Variants in BMPR1A observed in about 807,000 individuals in gnomAD.
The protein encoded by BMPR1A is bone morphogenetic protein receptor type 1A.
A neutral mutation model predicts 66.0 loss-of-function variants in BMPR1A; 7 were observed. The ratio of observed to expected loss-of-function variants is 0.11; its 90% confidence interval spans 0.06 to 0.20. The LOEUF is 0.20. Among genes scored for constraint, BMPR1A ranks in the 10% least tolerant of loss-of-function variants. The pLI is 1.00. For missense variants in BMPR1A, 408 were observed against 669.1 expected (o/e 0.61, Z 4.31); for synonymous variants, 200 against 229.7 (o/e 0.87, Z 1.17).
intron 1 of BMPR1A, among the ~76,000 whole-genome samples, chr10:86,777,785 A>G (rs527322060): frequency 4.4e-4 from 67 of 152,170 alleles, no homozygotes; most frequent in African/African-American, 1.6e-3. Flanking sequence ...AGGCTGAGGC[A>G]GGTGGATCAC....
intron 1 of BMPR1A, among the ~76,000 whole-genome samples, chr10:86,782,588 C>T (rs940697478): frequency 1.6e-4 from 25 of 151,748 alleles, no homozygotes; most frequent in African/African-American, 5.6e-4. Flanking sequence ...TGAGTTTTGC[C>T]GATGATTAGT....
intron 1 of BMPR1A, among the ~76,000 whole-genome samples, chr10:86,764,636 A>G (rs1841134745): frequency 2.6e-5 from 4 of 152,196 alleles, no homozygotes; most frequent in African/African-American, 9.7e-5. Flanking sequence ...TGCTCTGGCC[A>G]AGTCAGCCTT....
intron 2 of BMPR1A, among the ~76,000 whole-genome samples, chr10:86,842,140 C>T (rs1842432605): frequency 1.3e-5 from 2 of 152,158 alleles, no homozygotes; most frequent in Admixed American, 1.3e-4. Flanking sequence ...AAGTGGGGGC[C>T]GTCTTGAGGA....
chr10:86,827,283 T>TC (rs1842209557), intron 1 of BMPR1A, among the ~76,000 whole-genome samples: 1 of 152,186 alleles, frequency 6.6e-6, no homozygotes, highest in Non-Finnish European at 1.5e-5. Context: ...CTGTATATAT[T>TC]CTTCTTGGGC....
chr10:86,811,098 G>T (rs1770685831), intron 1 of BMPR1A, among the ~76,000 whole-genome samples: 1 of 152,184 alleles, frequency 6.6e-6, no homozygotes, highest in African/African-American at 2.4e-5. Context: ...GAGTGCCGTA[G>T]TGCCATCTTG....
chr10:86,838,672 C>G (rs1456284412), intron 1 of BMPR1A, among the ~76,000 whole-genome samples, 193 bp from the exon 2 acceptor site: 4 of 149,450 alleles, frequency 2.7e-5, no homozygotes, highest in African/African-American at 9.9e-5. Context: ...ACTAACTTTA[C>G]AAATGTAAAG....
In BMPR1A at chr10:86,921,598, A is replaced by C. The variant is rs786204235; in HGVS notation, c.1245A>C (p.Glu415Asp). The C allele has an allele frequency of 6.2e-7, 1 of 1,614,156 alleles. No homozygotes were observed. The highest frequency in any genetic ancestry group is 1.6e-4 in the Middle Eastern group (1 of 6,062). The change falls in exon 11 of 13, where the codon GAA becomes GAC. Residue 415 changes from glutamate (E) to aspartate (D), a missense_variant. Around this residue, in one of 5 missense-constraint regions of BMPR1A, gnomAD observed 130 missense variants for 257.3 expected, o/e 0.51. Transcript: ENST00000372037. ...KRYMAPEVLD[E>D]SLNKNHFQPY... ...ACATGGCTCCCGAAGTGCTGGACGA[A>C]AGCCTGAACAAAAACCACTTCCAGC... is the stretch of plus-strand genomic sequence containing the variant.
At chr10:86,785,080 CTTT>C (rs1229174567) in intron 1 of BMPR1A, among the ~76,000 whole-genome samples, 1 of 152,204 alleles carries the variant, frequency 6.6e-6, no homozygotes, top group African/African-American at 2.4e-5. Flanking sequence ...GTGATTTCTT[CTTT>C]GAGTCATTAG....
intron 1 of BMPR1A, among the ~76,000 whole-genome samples, chr10:86,790,371 A>G (rs2132776957): frequency 6.6e-6 from 1 of 151,612 alleles, no homozygotes; most frequent in East Asian, 1.9e-4. Flanking sequence ...AAAATCGTGC[A>G]GCTGGTCTGG....
At chr10:86,885,584 A>G (rs1188747796) in intron 3 of BMPR1A, among the ~76,000 whole-genome samples, 1 of 152,226 alleles carries the variant, frequency 6.6e-6, no homozygotes, top group Non-Finnish European at 1.5e-5. Context: ...ATGGGACAGC[A>G]CAGTTGTAGA....
intron 2 of BMPR1A, among the ~76,000 whole-genome samples, chr10:86,860,225 C>G (rs1173970919): frequency 1.3e-5 from 2 of 151,764 alleles, no homozygotes; most frequent in Non-Finnish European, 2.9e-5. Flanking sequence ...CACTAGATAA[C>G]AATGAAAATG....
chr10:86,848,041 C>T (rs529395046), intron 2 of BMPR1A, among the ~76,000 whole-genome samples: 25 of 152,050 alleles, frequency 1.6e-4, no homozygotes, highest in African/African-American at 6.0e-4. Flanking sequence ...AAGCAATTCT[C>T]CTGCCTCAGC....
intron 8 of BMPR1A, among the ~76,000 whole-genome samples, chr10:86,916,331 C>T (rs1313678680): frequency 6.6e-6 from 1 of 152,202 alleles, no homozygotes; most frequent in East Asian, 1.9e-4. Context: ...CATTATTTCT[C>T]ATTCTGTGAG....
chr10:86,912,883 A>G (rs1843511511), intron 8 of BMPR1A, among the ~76,000 whole-genome samples: 1 of 152,198 alleles, frequency 6.6e-6, no homozygotes, highest in South Asian at 2.1e-4. Flanking sequence ...ATAGTTCAAT[A>G]AAAAATAATT....
chr10:86,889,411 T>C (rs1208598831), intron 3 of BMPR1A, among the ~76,000 whole-genome samples: 1 of 152,190 alleles, frequency 6.6e-6, no homozygotes, highest in Non-Finnish European at 1.5e-5. Context: ...TAACTCCTTT[T>C]CCACATAGAG....
At chr10:86,796,686 TC>T (rs1324442513) in intron 1 of BMPR1A, among the ~76,000 whole-genome samples, 2 of 151,796 alleles carry the variant, frequency 1.3e-5, no homozygotes, top group African/African-American at 2.4e-5. Flanking sequence ...TAGCAGTGCT[TC>T]CACCTCAGCC....
chr10:86,756,523 C>CG (rs1027976415), upstream of BMPR1A: 3 of 149,480 alleles, frequency 2.0e-5, no homozygotes, highest in Non-Finnish European at 3.0e-5. Flanking sequence ...GCGGCGCGGG[C>CG]GGGGGCCTTC....
chr10:86,924,094 G>C lies in BMPR1A; in HGVS notation c.*375G>C. On this transcript the variant is annotated 3_prime_UTR_variant, in exon 13 of 13. Transcript: ENST00000372037. ...AGCCTTAAGAAGATAAATGAGCGCAGCAGAGATGGAGAAATAGACTTTGCC... is the reference window on the plus strand; with the variant it reads ...AGCCTTAAGAAGATAAATGAGCGCACCAGAGATGGAGAAATAGACTTTGCC... 1 of 382,522 alleles carries C rather than the reference G, an allele frequency of 2.6e-6. No individual in the cohort carries two copies. Among genetic ancestry groups the C allele is most frequent in the Non-Finnish European group, 4.8e-6 (1 of 206,268 alleles). 23.7% of individuals were successfully genotyped at this position (382,522 alleles called of 1,614,324 possible).
chr10:86,881,866 T>A (rs925220598), intron 3 of BMPR1A, among the ~76,000 whole-genome samples: 1 of 152,248 alleles, frequency 6.6e-6, no homozygotes, highest in African/African-American at 2.4e-5. Flanking sequence ...ATATTTATGA[T>A]ACAATTGGAA....
Sources: gnomAD v4.1 joint callset for allele counts (sites outside exome capture counted in the v4.1 genomes callset) on GRCh38, gnomAD v4.1.1 for gene constraint, gnomAD v4.1.1 regional missense constraint, MANE v1.5 for transcripts, NCBI Gene and HGNC (gene_info 2026-07-23, HGNC 2026-07-21) for gene names.